The following PARN variants were observed in gnomAD, a reference collection of about 807,000 sequenced individuals.
PARN encodes poly(A)-specific ribonuclease, also known as poly(A)-specific ribonuclease PARN.
Under a neutral mutation model 102.8 loss-of-function variants are expected in PARN, and 71 were observed. The observed-to-expected ratio is 0.69, with a 90% CI of 0.57 to 0.84. The LOEUF (loss-of-function observed/expected upper bound fraction) is 0.84, where lower values mean the gene tolerates loss of function less well. Among genes scored for constraint, PARN ranks in the 40% least tolerant of loss-of-function variants. The pLI is 0.00. For missense variants in PARN, 782 were observed against 760.9 expected (o/e 1.03, Z -0.33); for synonymous variants, 261 against 252.9 (o/e 1.03, Z -0.30).
At chr16:14,558,713 G>T (rs922182453) in intron 18 of PARN, among the ~76,000 whole-genome samples, 2 of 152,038 alleles carry the variant, frequency 1.3e-5, no homozygotes, top group African/African-American at 4.8e-5. Flanking sequence ...TCAAAACATG[G>T]ATAACTTATA....
chr16:14,542,967 T>G (rs1470501989), intron 21 of PARN, among the ~76,000 whole-genome samples: 1 of 152,228 alleles, frequency 6.6e-6, no homozygotes, highest in Non-Finnish European at 1.5e-5. Flanking sequence ...ATTTATAGAC[T>G]CAATAAGTTC....
At chr16:14,473,346 C>CT (rs1265588545) in intron 22 of PARN, among the ~76,000 whole-genome samples, 1 of 152,160 alleles carries the variant, frequency 6.6e-6, no homozygotes, top group Non-Finnish European at 1.5e-5. Context: ...ATATACTTAA[C>CT]TTATAAGATC....
At chr16:14,464,522 G>T (rs1478137694) in intron 22 of PARN, among the ~76,000 whole-genome samples, 1 of 152,276 alleles carries the variant, frequency 6.6e-6, no homozygotes, top group East Asian at 1.9e-4. Context: ...TTGGGAGGCT[G>T]AAGCAGGCAG....
chr16:14,555,118 T>C (rs1967588528), intron 19 of PARN, among the ~76,000 whole-genome samples: 1 of 152,128 alleles, frequency 6.6e-6, no homozygotes, highest in African/African-American at 2.4e-5. Flanking sequence ...CCAAGTATAG[T>C]TCACCCACTT....
chr16:14,507,708 G>C (rs1469758497), intron 21 of PARN, among the ~76,000 whole-genome samples: 1 of 152,030 alleles, frequency 6.6e-6, no homozygotes, highest in Admixed American at 6.6e-5. Context: ...AAATTCTAGA[G>C]ACTTTTAATT....
intron 2 of PARN, 31 bp downstream of exon 2, chr16:14,629,566 G>A: frequency 6.5e-7 from 1 of 1,528,858 alleles, no homozygotes; most frequent in South Asian, 1.1e-5. Context: ...GCACTGCAAA[G>A]TGCTAGCCTG....
At chr16:14,451,869 C>CAAAAAAAAAAAAAAA (rs869041563) in intron 22 of PARN, among the ~76,000 whole-genome samples, 34 of 52,496 alleles carry the variant, frequency 6.5e-4, no homozygotes, top group South Asian at 8.3e-4. Context: ...AAAAAAAATA[C>CAAAAAAAAAAAAAAA]AAAAAAAAAA....
rs757097871 is a variant in PARN, at chr16:14,599,966, T to TA, written c.784-7dup. The TA allele has an allele frequency of 6.6e-7, 1 of 1,507,842 alleles. No homozygotes were observed. The allele number at this position is 1,507,842 out of a possible 1,614,324, so 93.4% of individuals were successfully genotyped here. A position where few individuals can be genotyped will look rare whatever the true frequency, so the allele number is the denominator to read the frequency against. On this transcript the variant is annotated splice_region_variant and splice_polypyrimidine_tract_variant and intron_variant, in intron 11 of 23. Coordinates refer to ENST00000437198, the MANE Select transcript of PARN (RefSeq NM_002582.4). ...ACAGCATCATTCAGCTCCTCCTAATTAAAAAAATATATACATATGTATTAT... is the reference window on the plus strand; with the variant it reads ...ACAGCATCATTCAGCTCCTCCTAATTAAAAAAAATATATACATATGTATTAT...
intron 21 of PARN, among the ~76,000 whole-genome samples, chr16:14,492,461 G>A (rs555263705): frequency 2.0e-5 from 3 of 152,298 alleles, no homozygotes; most frequent in Admixed American, 1.3e-4. Context: ...ACCATGGTGA[G>A]GGCAGGTGCT....
intron 22 of PARN, among the ~76,000 whole-genome samples, chr16:14,447,604 GAT>G (rs1961259751): frequency 6.6e-6 from 1 of 152,130 alleles, no homozygotes; most frequent in Non-Finnish European, 1.5e-5. Context: ...TTTCCAAAAA[GAT>G]GACTTGTTAA....
chr16:14,609,210 T>C (rs1971370884), intron 7 of PARN, 87 bp from the exon 8 acceptor site: 1 of 650,192 alleles, frequency 1.5e-6, no homozygotes, highest in African/African-American at 1.9e-5. Flanking sequence ...AAAAACAGTC[T>C]AACTATAAGA....
At chr16:14,534,833 ATT>A (rs553597929) in intron 21 of PARN, among the ~76,000 whole-genome samples, 31 of 142,176 alleles carry the variant, frequency 2.2e-4, no homozygotes, top group Admixed American at 2.1e-4. Flanking sequence ...TCATTTCTAA[ATT>A]TTTTTTTTTT....
chr16:14,584,190 C>G (rs904346228), intron 16 of PARN, among the ~76,000 whole-genome samples, 157 bp downstream of exon 16: 7 of 152,122 alleles, frequency 4.6e-5, no homozygotes, highest in Admixed American at 6.5e-5. Flanking sequence ...CATCTTTATT[C>G]AAAAAACAAT....
At chr16:14,586,145 T>C (rs1969843304) in intron 14 of PARN, among the ~76,000 whole-genome samples, 173 bp downstream of exon 14, 1 of 151,882 alleles carries the variant, frequency 6.6e-6, no homozygotes, top group Non-Finnish European at 1.5e-5. Context: ...CCCAGCTAAT[T>C]TTTTATTTTT....
intron 12 of PARN, among the ~76,000 whole-genome samples, chr16:14,593,975 C>T (rs1038267813): frequency 6.6e-6 from 1 of 150,830 alleles, no homozygotes; most frequent in Non-Finnish European, 1.5e-5. Flanking sequence ...CCAGCCTGGG[C>T]AACAGAGTGA....
chr16:14,590,535 TGAGG>T (rs1475130777), intron 13 of PARN, among the ~76,000 whole-genome samples: 1 of 147,684 alleles, frequency 6.8e-6, no homozygotes, highest in Non-Finnish European at 1.5e-5. Flanking sequence ...CTCAGCAGTC[TGAGG>T]AAGGAGAGTC....
chr16:14,559,930 G>C (rs1596670547), intron 18 of PARN, among the ~76,000 whole-genome samples: 1 of 152,198 alleles, frequency 6.6e-6, no homozygotes, highest in Non-Finnish European at 1.5e-5. Context: ...CTGTGGCTGA[G>C]TGTCTGCGGA....
chr16:14,522,868 G>A (rs924610320), intron 21 of PARN, among the ~76,000 whole-genome samples: 4 of 152,154 alleles, frequency 2.6e-5, no homozygotes, highest in African/African-American at 9.7e-5. Context: ...CCACAAGTGG[G>A]TGCTAAGAAA....
intron 22 of PARN, among the ~76,000 whole-genome samples, chr16:14,473,571 GA>G (rs1962871217): frequency 6.6e-6 from 1 of 152,118 alleles, no homozygotes; most frequent in Admixed American, 6.6e-5. Flanking sequence ...TAAACAACAG[GA>G]AATTTCCCCA....
Sources: gnomAD v4.1 joint callset for allele counts (sites outside exome capture counted in the v4.1 genomes callset) on GRCh38, gnomAD v4.1.1 for gene constraint, MANE v1.5 for transcripts, NCBI Gene and HGNC (gene_info 2026-07-23, HGNC 2026-07-21) for gene names.